The following MDGA2 variants were observed in gnomAD, a reference collection of about 807,000 sequenced individuals.
MDGA2 encodes the protein MAM domain-containing glycosylphosphatidylinositol anchor protein 2.
A neutral mutation model predicts 117.8 loss-of-function variants in MDGA2; 40 were observed. The ratio of observed to expected loss-of-function variants is 0.34; its 90% confidence interval spans 0.26 to 0.44. MDGA2 has a LOEUF of 0.44. Ranked by LOEUF, MDGA2 falls within the 20% of genes least tolerant of loss-of-function variation. The probability of loss-of-function intolerance (pLI) is 1.00; values close to 1 mark genes in which losing one functional copy is unlikely to be tolerated. For synonymous variants in MDGA2, 452 were observed against 439.0 expected (o/e 1.03, Z -0.37); for missense variants, 1,123 against 1,250.6 (o/e 0.90, Z 1.54).
chr14:47,036,270 CAAAAAAA>C (rs11310113), intron 7 of MDGA2, among the ~76,000 whole-genome samples: 42 of 74,462 alleles, frequency 5.6e-4, no homozygotes, highest in Admixed American at 1.3e-3. Flanking sequence ...ACTCTGTCTC[CAAAAAAA>C]AAAAAAAAAA....
intron 2 of MDGA2, among the ~76,000 whole-genome samples, chr14:47,281,148 A>T (rs971636891): frequency 2.0e-5 from 3 of 150,790 alleles, no homozygotes; most frequent in Non-Finnish European, 4.4e-5. Context: ...ATATAGTTTA[A>T]TATAACCAAG....
At chr14:47,590,617 C>T (rs2138858152) in intron 1 of MDGA2, among the ~76,000 whole-genome samples, 1 of 151,812 alleles carries the variant, frequency 6.6e-6, no homozygotes, top group East Asian at 1.9e-4. Flanking sequence ...TAACTACAGT[C>T]AACAATAATT....
At chr14:47,494,463 T>C (rs1427852261) in intron 1 of MDGA2, among the ~76,000 whole-genome samples, 2 of 152,196 alleles carry the variant, frequency 1.3e-5, no homozygotes, top group East Asian at 3.8e-4. Flanking sequence ...TTTGCAAATA[T>C]TTTCTCCCAT....
intron 1 of MDGA2, among the ~76,000 whole-genome samples, chr14:47,534,631 C>T (rs1326874498): frequency 6.6e-6 from 1 of 152,152 alleles, no homozygotes; most frequent in Non-Finnish European, 1.5e-5. Flanking sequence ...AATCACCTCC[C>T]ACCAAGTCCC....
intron 3 of MDGA2, among the ~76,000 whole-genome samples, chr14:47,213,969 G>A (rs986945395): frequency 5.3e-5 from 8 of 152,038 alleles, no homozygotes; most frequent in African/African-American, 1.9e-4. Context: ...TACCTTTTTG[G>A]CGAGTAGTAG....
rs185976973 is a variant in MDGA2, at chr14:47,477,039, G to C, written c.281-175489C>G. ...TTGCCGAGCGTGGTGGCGCACGCCTGTAATCCCAGCTACTGGGGAGGTTGA... is the reference window on the plus strand; with the variant it reads ...TTGCCGAGCGTGGTGGCGCACGCCTCTAATCCCAGCTACTGGGGAGGTTGA... On this transcript the variant is annotated intron_variant, in intron 1 of 16. Coordinates refer to ENST00000399232, the MANE Select transcript of MDGA2 (RefSeq NM_001113498.3). 1.3e-3 allele frequency among the ~76,000 whole-genome samples: 193 copies of C among 152,324 alleles called. 1 individual carries two copies. The highest frequency in any genetic ancestry group is 1.2e-3 in the Non-Finnish European group (82 of 68,038).
chr14:47,547,206 T>C (rs1895480506), intron 1 of MDGA2, among the ~76,000 whole-genome samples: 2 of 152,138 alleles, frequency 1.3e-5, no homozygotes, highest in South Asian at 2.1e-4. Context: ...GACTCTTCTA[T>C]ACATGAAAGA....
intron 1 of MDGA2, among the ~76,000 whole-genome samples, chr14:47,529,756 G>C (rs1279489463): frequency 6.6e-6 from 1 of 152,132 alleles, no homozygotes; most frequent in Admixed American, 6.5e-5. Flanking sequence ...GATGGGTAGG[G>C]GTAAGTTACA....
At chr14:46,854,063 G>T (rs1244381032) in intron 15 of MDGA2, among the ~76,000 whole-genome samples, 1 of 151,424 alleles carries the variant, frequency 6.6e-6, no homozygotes, top group Non-Finnish European at 1.5e-5. Flanking sequence ...TATCATCCTG[G>T]TTTGATTTAG....
chr14:47,171,826 G>A (rs1444059090), intron 3 of MDGA2, among the ~76,000 whole-genome samples: 1 of 152,168 alleles, frequency 6.6e-6, no homozygotes, highest in African/African-American at 2.4e-5. Flanking sequence ...CCATGCGCGA[G>A]CTGAAGCAGG....
At chr14:47,098,820 C>A (rs1880133639) in intron 5 of MDGA2, among the ~76,000 whole-genome samples, 1 of 151,924 alleles carries the variant, frequency 6.6e-6, no homozygotes, top group Non-Finnish European at 1.5e-5. Flanking sequence ...TATATTTGGA[C>A]TATGGACATA....
intron 8 of MDGA2, among the ~76,000 whole-genome samples, chr14:47,012,634 G>C (rs1887933892): frequency 6.6e-6 from 1 of 152,162 alleles, no homozygotes; most frequent in Non-Finnish European, 1.5e-5. Context: ...CATAAAGTGA[G>C]TGTTCCACAA....
At chr14:47,649,964 T>A (rs988966560) in intron 1 of MDGA2, among the ~76,000 whole-genome samples, 7 of 152,058 alleles carry the variant, frequency 4.6e-5, no homozygotes, top group Non-Finnish European at 7.3e-5. Context: ...TACTAGATAT[T>A]TGGTCAAACT....
At chr14:47,544,466 G>A (rs1264553196) in intron 1 of MDGA2, among the ~76,000 whole-genome samples, 3 of 152,104 alleles carry the variant, frequency 2.0e-5, no homozygotes, top group Non-Finnish European at 4.4e-5. Flanking sequence ...TGGGTGGATG[G>A]GATATGTCAA....
At chr14:47,375,150 G>T in intron 1 of MDGA2, among the ~76,000 whole-genome samples, 1 of 149,198 alleles carries the variant, frequency 6.7e-6, no homozygotes, top group African/African-American at 2.5e-5. Flanking sequence ...TCTTCAGAGG[G>T]TTCAACTAGT....
At chr14:47,636,190 C>T (rs1566552185) in intron 1 of MDGA2, among the ~76,000 whole-genome samples, 1 of 152,160 alleles carries the variant, frequency 6.6e-6, no homozygotes, top group Non-Finnish European at 1.5e-5. Context: ...TTGATCCCCC[C>T]AGACTCAAAA....
At chr14:47,577,548 A>G (rs1896138414) in intron 1 of MDGA2, among the ~76,000 whole-genome samples, 1 of 152,198 alleles carries the variant, frequency 6.6e-6, no homozygotes, top group Admixed American at 6.5e-5. Flanking sequence ...CCATGTGACA[A>G]AGGTCTAGTA....
At chr14:47,530,988 G>A (rs943265153) in intron 1 of MDGA2, among the ~76,000 whole-genome samples, 16 of 152,274 alleles carry the variant, frequency 1.1e-4, no homozygotes, top group African/African-American at 3.9e-4. Flanking sequence ...GCTCATGCCT[G>A]TAATCCCAGC....
At chr14:47,271,122 A>G (rs902812981) in intron 2 of MDGA2, among the ~76,000 whole-genome samples, 11 of 152,194 alleles carry the variant, frequency 7.2e-5, no homozygotes, top group African/African-American at 2.7e-4. Flanking sequence ...GAACTTAAAA[A>G]TGGTTCCAGA....
Sources: gnomAD v4.1 joint callset for allele counts (sites outside exome capture counted in the v4.1 genomes callset) on GRCh38, gnomAD v4.1.1 for gene constraint, MANE v1.5 for transcripts, NCBI Gene and HGNC (gene_info 2026-07-23, HGNC 2026-07-21) for gene names.